Variants in SUMF1 observed in about 807,000 individuals in gnomAD.
The protein encoded by SUMF1 is sulfatase modifying factor 1.
In SUMF1, 48 loss-of-function variants were observed where a neutral mutation model predicts 47.6. The observed-to-expected ratio is 1.01, with a 90% CI of 0.80 to 1.28. The LOEUF (loss-of-function observed/expected upper bound fraction) is 1.28. SUMF1 is among the 50% of genes most tolerant of loss of function. SUMF1 has a pLI of 0.00. For synonymous variants in SUMF1, 230 were observed against 192.1 expected (o/e 1.20, Z -1.63); for missense variants, 571 against 485.4 (o/e 1.18, Z -1.66).
chr3:4,282,721 A>T (rs779397360), intron 8 of SUMF1, among the ~76,000 whole-genome samples: 10 of 152,184 alleles, frequency 6.6e-5, no homozygotes, highest in Non-Finnish European at 1.0e-4. Flanking sequence ...TTGAAACTTA[A>T]AAGTCATAAA....
At chr3:4,061,634 C>A (rs910491267) in intron 9 of SUMF1, among the ~76,000 whole-genome samples, 1 of 152,064 alleles carries the variant, frequency 6.6e-6, no homozygotes, top group Non-Finnish European at 1.5e-5. Context: ...GCAGCAAGAA[C>A]TAGACCAAAC....
chr3:4,347,170 C>A (rs939399717), intron 8 of SUMF1, among the ~76,000 whole-genome samples: 11 of 152,206 alleles, frequency 7.2e-5, no homozygotes, highest in African/African-American at 2.7e-4. Flanking sequence ...GAACTCTTCC[C>A]TAACTCATTT....
chr3:4,182,157 T>C (rs552805252), intron 8 of SUMF1, among the ~76,000 whole-genome samples: 9 of 152,084 alleles, frequency 5.9e-5, no homozygotes, highest in Non-Finnish European at 1.3e-4. Flanking sequence ...AAGTTTTACT[T>C]AATACAAGGT....
At chr3:4,076,201 T>A (rs909652151) in intron 8 of SUMF1, among the ~76,000 whole-genome samples, 1 of 152,044 alleles carries the variant, frequency 6.6e-6, no homozygotes, top group Non-Finnish European at 1.5e-5. Flanking sequence ...TCTACAACCA[T>A]CTATCTTTGA....
chr3:4,152,073 G>A (rs1311538084), intron 8 of SUMF1, among the ~76,000 whole-genome samples: 5 of 151,364 alleles, frequency 3.3e-5, no homozygotes, highest in Non-Finnish European at 5.9e-5. Flanking sequence ...CAATATTCCC[G>A]AGACCAGACT....
intron 8 of SUMF1, among the ~76,000 whole-genome samples, chr3:4,203,173 A>G (rs757930692): frequency 1.3e-5 from 2 of 151,956 alleles, no homozygotes; most frequent in Non-Finnish European, 1.5e-5. Context: ...GGTCTCTCCA[A>G]TGCCAAAAGT....
chr3:4,162,293 G>A (rs756739185), intron 8 of SUMF1, among the ~76,000 whole-genome samples: 1 of 152,170 alleles, frequency 6.6e-6, no homozygotes, highest in Non-Finnish European at 1.5e-5. Flanking sequence ...GAGTGGTAAA[G>A]CACTCTCTTG....
intron 8 of SUMF1, among the ~76,000 whole-genome samples, chr3:4,234,795 G>T (rs903145154): frequency 1.6e-4 from 25 of 152,036 alleles, no homozygotes; most frequent in Non-Finnish European, 1.0e-4. Context: ...GCCAAAAAAA[G>T]AAAAAAGCCT....
chr3:4,348,167 G>GA (rs1699411848), intron 8 of SUMF1, among the ~76,000 whole-genome samples: 1 of 152,130 alleles, frequency 6.6e-6, no homozygotes, highest in Admixed American at 6.5e-5. Context: ...CACAGAATTA[G>GA]AAAAAACTAT....
chr3:4,458,086 A>G (rs191325412), intron 1 of SUMF1, among the ~76,000 whole-genome samples: 12 of 152,348 alleles, frequency 7.9e-5, no homozygotes, highest in East Asian at 3.9e-4. Flanking sequence ...CCGAATAGAC[A>G]TTGCTCAAAA....
intron 8 of SUMF1, among the ~76,000 whole-genome samples, chr3:4,079,527 G>T (rs766773041): frequency 6.6e-6 from 1 of 151,724 alleles, no homozygotes; most frequent in African/African-American, 2.4e-5. Flanking sequence ...AGATTTCCTA[G>T]GATCAAAGTC....
rs145572163 is a variant in SUMF1, at chr3:4,178,309, C to T, written c.1015-109564G>A. On this transcript the variant is annotated intron_variant and NMD_transcript_variant, in intron 8 of 12. Transcript: ENST00000448413. The stretch of plus-strand genomic sequence containing the variant: ...AATCCTCAATAAAATACTGGCAAAC[C>T]GAATCCAGCAGCATATCAAAAAGCT... Among the ~76,000 whole-genome samples, 503 of 152,194 alleles carry T rather than the reference C, an allele frequency of 3.3e-3. 6 individuals carry two copies. Among genetic ancestry groups the T allele is most frequent in the African/African-American group, 0.011 (452 of 41,532 alleles).
At position 4,338,898 on chromosome 3, in the gene SUMF1, G is replaced by A. The variant is rs565387505; in HGVS notation, c.1014+37432C>T. Among the ~76,000 whole-genome samples the A allele has an allele frequency of 6.6e-5, 10 of 152,248 alleles. 1 individual carries two copies. In the South Asian group the frequency reaches 2.1e-3, roughly 32 times the overall value. On this transcript the variant is annotated intron_variant and NMD_transcript_variant, in intron 8 of 12. Transcript: ENST00000448413. ...ATTGAGTTATGTCTAGCTACTCTAT[G>A]AGACTGTAAGATCCTGGCGGACTGG...
chr3:4,075,896 G>T (rs1228095298), intron 8 of SUMF1, among the ~76,000 whole-genome samples: 1 of 152,144 alleles, frequency 6.6e-6, no homozygotes, highest in African/African-American at 2.4e-5. Context: ...TTAATATCAT[G>T]AAAATGGCCA....
At chr3:4,311,346 G>A (rs1021405641) in intron 8 of SUMF1, among the ~76,000 whole-genome samples, 2 of 152,198 alleles carry the variant, frequency 1.3e-5, no homozygotes, top group African/African-American at 4.8e-5. Flanking sequence ...ACTGGAAGAC[G>A]TGGTGCAAAC....
At chr3:4,356,411 CGTGGGG>C (rs1699618818), downstream of SUMF1, among the ~76,000 whole-genome samples, 1 of 132 alleles carries the variant, frequency 7.6e-3, no homozygotes, top group African/African-American at 0.071. Flanking sequence ...AATGGTTTTC[CGTGGGG>C]ACAGCGTGGG....
chr3:4,462,659 T>C, intron 1 of SUMF1, among the ~76,000 whole-genome samples: 1 of 152,174 alleles, frequency 6.6e-6, no homozygotes, highest in East Asian at 1.9e-4. Context: ...AACCTTAACA[T>C]TAAAAGCTAA....
At chr3:4,363,108 T>G (rs542090327) in intron 8 of SUMF1, among the ~76,000 whole-genome samples, 1 of 152,124 alleles carries the variant, frequency 6.6e-6, no homozygotes, top group African/African-American at 2.4e-5. Flanking sequence ...TATTCAGTAT[T>G]CCAATACAAT....
At chr3:4,352,007 C>G (rs761554798) in intron 8 of SUMF1, among the ~76,000 whole-genome samples, 1 of 152,142 alleles carries the variant, frequency 6.6e-6, no homozygotes, top group Non-Finnish European at 1.5e-5. Flanking sequence ...TAAGCCCAGA[C>G]AGTCTGGCTC....
Sources: allele counts gnomAD v4.1 joint callset (sites outside exome capture counted in the v4.1 genomes callset), GRCh38; gene constraint gnomAD v4.1.1; transcripts MANE v1.5; gene names NCBI Gene and HGNC (gene_info 2026-07-23, HGNC 2026-07-21).